The following MDGA2 variants were observed in gnomAD, a reference collection of about 807,000 sequenced individuals.
MDGA2 encodes MAM domain containing glycosylphosphatidylinositol anchor 2, also known as MAM domain-containing glycosylphosphatidylinositol anchor protein 2.
A neutral mutation model predicts 117.8 loss-of-function variants in MDGA2; 40 were observed. The observed-to-expected ratio is 0.34, with a 90% confidence interval of 0.26 to 0.44. The LOEUF (loss-of-function observed/expected upper bound fraction) is 0.44. Ranked by LOEUF, MDGA2 falls within the 20% of genes least tolerant of loss-of-function variation. MDGA2 has a pLI of 1.00. For missense variants in MDGA2, 1,123 were observed against 1,250.6 expected, an observed-to-expected ratio of 0.90 and a Z score of 1.54; for synonymous variants, 452 against 439.0, an observed-to-expected ratio of 1.03 and a Z score of -0.37.
At chr14:47,329,883 C>T (rs1008569565) in intron 1 of MDGA2, among the ~76,000 whole-genome samples, 29 of 151,854 alleles carry the variant, frequency 1.9e-4, no homozygotes, top group African/African-American at 6.8e-4. Context: ...CTTTAGACGT[C>T]AACATTAAAA....
chr14:47,334,355 G>A (rs1465095456), intron 1 of MDGA2, among the ~76,000 whole-genome samples: 1 of 151,782 alleles, frequency 6.6e-6, no homozygotes, highest in Non-Finnish European at 1.5e-5. Context: ...TGTCTGTTTT[G>A]TGTGGTGTTA....
chr14:47,597,257 T>C (rs963882464), intron 1 of MDGA2, among the ~76,000 whole-genome samples: 1 of 152,132 alleles, frequency 6.6e-6, no homozygotes, highest in African/African-American at 2.4e-5. Context: ...TTTATCAAGA[T>C]TGGGTAATCA....
intron 1 of MDGA2, among the ~76,000 whole-genome samples, chr14:47,440,125 C>T (rs1421474793): frequency 6.6e-6 from 1 of 152,024 alleles, no homozygotes; most frequent in Non-Finnish European, 1.5e-5. Flanking sequence ...ATTGTTTCCC[C>T]ATCACATGTG....
intron 2 of MDGA2, among the ~76,000 whole-genome samples, chr14:47,287,457 A>C (rs188870691): frequency 6.2e-4 from 95 of 152,264 alleles, no homozygotes; most frequent in Admixed American, 1.4e-3. Context: ...TATGGTGTAC[A>C]ATGTGATGTT....
chr14:47,585,289 A>C (rs1360204166), intron 1 of MDGA2, among the ~76,000 whole-genome samples: 1 of 151,814 alleles, frequency 6.6e-6, no homozygotes, highest in East Asian at 1.9e-4. Flanking sequence ...TGGTTCACCC[A>C]ATAGCTTCTC....
chr14:47,348,160 T>TCC (rs1890798790), intron 1 of MDGA2, among the ~76,000 whole-genome samples: 1 of 136,570 alleles, frequency 7.3e-6, no homozygotes, highest in Non-Finnish European at 1.6e-5. Flanking sequence ...TCTCTCTCTC[T>TCC]CTGTATATGT....
intron 1 of MDGA2, among the ~76,000 whole-genome samples, chr14:47,426,614 T>TA (rs893835097): frequency 7.3e-5 from 11 of 150,700 alleles, no homozygotes; most frequent in African/African-American, 2.4e-4. Flanking sequence ...TAATATTTTG[T>TA]AAAAAACATA....
intron 1 of MDGA2, among the ~76,000 whole-genome samples, chr14:47,595,448 C>T (rs749591099): frequency 1.3e-5 from 2 of 150,586 alleles, no homozygotes; most frequent in Non-Finnish European, 3.0e-5. Flanking sequence ...GCACGAGAAT[C>T]GCTTGAACCT....
chr14:47,635,022 G>GTAA (rs1383559887), intron 1 of MDGA2, among the ~76,000 whole-genome samples: 1 of 151,874 alleles, frequency 6.6e-6, no homozygotes, highest in African/African-American at 2.4e-5. Context: ...ATTATCATGG[G>GTAA]TAATAATAAT....
chr14:46,859,844 T>C (rs67008272), intron 14 of MDGA2, among the ~76,000 whole-genome samples: 25,476 of 152,042 alleles, frequency 0.17, 3,017 homozygotes, highest in Non-Finnish European at 0.25. Context: ...TTACATATAA[T>C]GTAGTATATA....
intron 6 of MDGA2, among the ~76,000 whole-genome samples, chr14:47,064,739 TAA>T (rs1329436702): frequency 6.6e-6 from 1 of 152,114 alleles, no homozygotes; most frequent in Non-Finnish European, 1.5e-5. Flanking sequence ...TTTGAAAATA[TAA>T]AGTGTTTGAT....
intron 14 of MDGA2, chr14:46,871,802 C>A (rs1245743719): frequency 1.9e-5 from 5 of 259,774 alleles, no homozygotes; most frequent in South Asian, 1.6e-4. Context: ...AGTGCTACAG[C>A]CAAGTTCCTG....
intron 5 of MDGA2, among the ~76,000 whole-genome samples, chr14:47,105,362 G>A (rs1594625965): frequency 1.3e-5 from 2 of 151,414 alleles, no homozygotes; most frequent in African/African-American, 4.9e-5. Flanking sequence ...CTTTTCTGGA[G>A]GGCAAGAACC....
At chr14:46,873,636 C>T (rs759044294) in intron 13 of MDGA2, 45 bp from the exon 14 acceptor site, 2 of 1,510,814 alleles carry the variant, frequency 1.3e-6, no homozygotes, top group Admixed American at 2.1e-5. Flanking sequence ...TATTCTTAGG[C>T]ATAATGAAAT....
intron 1 of MDGA2, among the ~76,000 whole-genome samples, chr14:47,470,826 G>C (rs555038136): frequency 3.9e-5 from 6 of 152,180 alleles, no homozygotes; most frequent in African/African-American, 1.2e-4. Flanking sequence ...ATTTCCAGTG[G>C]CCAAATTGTC....
intron 8 of MDGA2, among the ~76,000 whole-genome samples, chr14:46,990,706 C>A (rs8016110): frequency 0.31 from 47,296 of 151,628 alleles, 7,997 homozygotes; most frequent in East Asian, 0.53. Context: ...GCTCCTAGAT[C>A]CAGATAGATA....
At chr14:47,285,233 A>G (rs1351625761) in intron 2 of MDGA2, among the ~76,000 whole-genome samples, 2 of 152,132 alleles carry the variant, frequency 1.3e-5, no homozygotes, top group Non-Finnish European at 2.9e-5. Flanking sequence ...TGTTCCCTCA[A>G]AGCCTTCTAG....
chr14:47,027,258 T>C (rs1261926513), intron 8 of MDGA2, among the ~76,000 whole-genome samples: 1 of 152,122 alleles, frequency 6.6e-6, no homozygotes, highest in Non-Finnish European at 1.5e-5. Flanking sequence ...CTTATGGTAT[T>C]ATGGAAATGA....
chr14:47,644,304 A>G (rs1408730331), intron 1 of MDGA2, among the ~76,000 whole-genome samples: 1 of 152,234 alleles, frequency 6.6e-6, no homozygotes, highest in East Asian at 1.9e-4. Flanking sequence ...AAAGATTCTT[A>G]TAAGATCAAC....
Sources: allele counts gnomAD v4.1 joint callset (sites outside exome capture counted in the v4.1 genomes callset), GRCh38; gene constraint gnomAD v4.1.1; transcripts MANE v1.5; gene names NCBI Gene and HGNC (gene_info 2026-07-23, HGNC 2026-07-21).